The following SLC6A11 variants were observed in gnomAD, a reference collection of about 807,000 sequenced individuals.
SLC6A11 encodes sodium- and chloride-dependent GABA transporter 3.
A neutral mutation model predicts 74.8 loss-of-function variants in SLC6A11; 25 were observed. The ratio of observed to expected loss-of-function variants is 0.33; its 90% CI spans 0.24 to 0.47. The LOEUF is 0.47. Among genes scored for constraint, SLC6A11 ranks in the 20% least tolerant of loss-of-function variants. The pLI is 1.00. For synonymous variants in SLC6A11, 330 were observed against 330.2 expected, an observed-to-expected ratio of 1.00 and a Z score of 0.01; for missense variants, 574 against 837.0, an observed-to-expected ratio of 0.69 and a Z score of 3.88.
intron 4 of SLC6A11, among the ~76,000 whole-genome samples, chr3:10,830,232 A>G (rs1201264670): frequency 2.0e-5 from 3 of 152,200 alleles, no homozygotes; most frequent in Non-Finnish European, 2.9e-5. Context: ...GCGGTTGGCC[A>G]TGGAGTGAGT....
At chr3:10,910,430 C>A (rs1046357163) in intron 6 of SLC6A11, among the ~76,000 whole-genome samples, 2 of 152,078 alleles carry the variant, frequency 1.3e-5, no homozygotes, top group Admixed American at 1.3e-4. Flanking sequence ...TGCGTGCCCC[C>A]AGAACGAGGA....
At chr3:10,870,084 T>C (rs1226335407) in intron 5 of SLC6A11, among the ~76,000 whole-genome samples, 1 of 152,132 alleles carries the variant, frequency 6.6e-6, no homozygotes, top group African/African-American at 2.4e-5. Context: ...TGATCCAACC[T>C]CTCCTATTCC....
chr3:10,905,964 G>A (rs1186619196), intron 6 of SLC6A11, among the ~76,000 whole-genome samples: 6 of 152,154 alleles, frequency 3.9e-5, no homozygotes, highest in African/African-American at 1.2e-4. Context: ...AAATCCTGAT[G>A]ATGATCAAAT....
At chr3:10,865,021 CCT>C (rs1399304718) in intron 5 of SLC6A11, among the ~76,000 whole-genome samples, 1 of 152,206 alleles carries the variant, frequency 6.6e-6, no homozygotes, top group Non-Finnish European at 1.5e-5. Context: ...CTGATTCCTG[CCT>C]CTTTGTCTGT....
At chr3:10,824,154 A>G (rs1694174202) in intron 4 of SLC6A11, 1 of 152,252 alleles carries the variant, frequency 6.6e-6, no homozygotes, top group Admixed American at 6.5e-5. Flanking sequence ...ATTATGAAAT[A>G]TACATTCCAG....
At chr3:10,844,839 T>G (rs890669201) in intron 5 of SLC6A11, among the ~76,000 whole-genome samples, 3 of 152,190 alleles carry the variant, frequency 2.0e-5, no homozygotes, top group African/African-American at 7.2e-5. Context: ...ACCTGTACCA[T>G]GCAGCCTCCA....
intron 6 of SLC6A11, among the ~76,000 whole-genome samples, chr3:10,883,618 A>G (rs1438048022): frequency 1.3e-5 from 2 of 152,086 alleles, no homozygotes; most frequent in African/African-American, 2.4e-5. Context: ...CCCAACCCAC[A>G]AAAAGATGAA....
intron 5 of SLC6A11, among the ~76,000 whole-genome samples, chr3:10,873,375 C>T (rs1252373956): frequency 6.9e-6 from 1 of 145,958 alleles, no homozygotes; most frequent in Non-Finnish European, 1.5e-5. Flanking sequence ...CTATGCTCAC[C>T]TTCATTATTG....
chr3:10,927,924 C>G (rs932372000), intron 9 of SLC6A11, among the ~76,000 whole-genome samples: 1 of 152,222 alleles, frequency 6.6e-6, no homozygotes, highest in African/African-American at 2.4e-5. Context: ...CTCCTCCTCC[C>G]TCCCTCAAGG....
intron 3 of SLC6A11, among the ~76,000 whole-genome samples, chr3:10,820,482 C>G (rs75613882): frequency 2.6e-5 from 4 of 152,058 alleles, no homozygotes; most frequent in African/African-American, 9.7e-5. Context: ...ATGACACATC[C>G]GTCCTGGAGT....
intron 4 of SLC6A11, among the ~76,000 whole-genome samples, chr3:10,833,547 G>A (rs767752033): frequency 5.9e-5 from 9 of 152,190 alleles, no homozygotes; most frequent in African/African-American, 9.7e-5. Flanking sequence ...TCAAGGTTCT[G>A]CTTGTATGCA....
chr3:10,862,743 C>T (rs1265651158), intron 5 of SLC6A11, among the ~76,000 whole-genome samples: 3 of 152,222 alleles, frequency 2.0e-5, no homozygotes, highest in Admixed American at 6.5e-5. Flanking sequence ...ACACCACTGC[C>T]AGCCAAGCTG....
chr3:10,859,591 C>A (rs1301940035), intron 5 of SLC6A11, among the ~76,000 whole-genome samples: 1 of 152,046 alleles, frequency 6.6e-6, no homozygotes, highest in Admixed American at 6.6e-5. Flanking sequence ...TTTCCTGGAG[C>A]CTGTGGATGT....
intron 6 of SLC6A11, among the ~76,000 whole-genome samples, chr3:10,893,054 A>T (rs1468990866): frequency 6.6e-6 from 1 of 152,204 alleles, no homozygotes; most frequent in Non-Finnish European, 1.5e-5. Flanking sequence ...CATTAAGTGC[A>T]TATTGTAGCC....
intron 6 of SLC6A11, among the ~76,000 whole-genome samples, chr3:10,893,004 C>T (rs1280575095): frequency 2.6e-5 from 4 of 152,164 alleles, no homozygotes; most frequent in African/African-American, 9.7e-5. Context: ...TCTACCTCTC[C>T]TATGATGGCT....
At chr3:10,920,542 C>G (rs1454804368) in intron 8 of SLC6A11, among the ~76,000 whole-genome samples, 9 of 152,176 alleles carry the variant, frequency 5.9e-5, no homozygotes, top group Non-Finnish European at 1.2e-4. Flanking sequence ...TTGACTTTCT[C>G]TGTCCCACTT....
At chr3:10,846,326 A>G (rs1694502639) in intron 5 of SLC6A11, among the ~76,000 whole-genome samples, 1 of 152,196 alleles carries the variant, frequency 6.6e-6, no homozygotes, top group South Asian at 2.1e-4. Context: ...AGGAAGTTTC[A>G]TGGTTGGTAT....
chr3:10,923,090 T>C (rs1366386748), intron 8 of SLC6A11, among the ~76,000 whole-genome samples: 1 of 152,154 alleles, frequency 6.6e-6, no homozygotes, highest in Non-Finnish European at 1.5e-5. Flanking sequence ...GGTTTTCATC[T>C]ATGTACAGAT....
At chr3:10,917,441 G>C (rs985722032) in intron 7 of SLC6A11, among the ~76,000 whole-genome samples, 5 of 152,124 alleles carry the variant, frequency 3.3e-5, no homozygotes, top group African/African-American at 1.2e-4. Flanking sequence ...AAGGTCACCT[G>C]GCAGCTCCTC....
Sources: gnomAD v4.1 joint callset for allele counts (sites outside exome capture counted in the v4.1 genomes callset) on GRCh38, gnomAD v4.1.1 for gene constraint, MANE v1.5 for transcripts, NCBI Gene and HGNC (gene_info 2026-07-23, HGNC 2026-07-21) for gene names.